The following ROS1 variants were observed in gnomAD, a reference collection of about 807,000 sequenced individuals.
ROS1 encodes ROS proto-oncogene 1, receptor tyrosine kinase, also known as proto-oncogene tyrosine-protein kinase ROS.
Under a neutral mutation model 273.5 loss-of-function variants are expected in ROS1, and 263 were observed. The ratio of observed to expected loss-of-function variants is 0.96; its 90% confidence interval spans 0.87 to 1.06. ROS1 has a LOEUF of 1.06. ROS1 is among the 50% of genes least tolerant of loss of function. The probability of loss-of-function intolerance (pLI) is 0.00; values close to 1 mark genes in which losing one functional copy is unlikely to be tolerated. For missense variants in ROS1, 2,833 were observed against 2,751.1 expected (o/e 1.03, Z -0.67); for synonymous variants, 1,008 against 954.1 (o/e 1.06, Z -1.04).
intron 1 of ROS1, among the ~76,000 whole-genome samples, chr6:117,423,085 T>A (rs1775878629): frequency 6.6e-6 from 1 of 152,112 alleles, no homozygotes; most frequent in African/African-American, 2.4e-5. Context: ...TCGTATGTTC[T>A]CACTGATAAG....
intron 1 of ROS1, among the ~76,000 whole-genome samples, chr6:117,422,069 G>C (rs1775798037): frequency 6.6e-6 from 1 of 152,110 alleles, no homozygotes; most frequent in Non-Finnish European, 1.5e-5. Context: ...GGAGCACAGT[G>C]GTGTAATCAC....
chr6:117,326,447 T>C, intron 33 of ROS1, 33 bp from the exon 34 acceptor site: 6 of 1,272,102 alleles, frequency 4.7e-6, no homozygotes, highest in Non-Finnish European at 6.5e-6. Context: ...AAAATATACA[T>C]GACAATATAC....
chr6:117,367,408 A>G (rs930810437), intron 18 of ROS1, among the ~76,000 whole-genome samples: 3 of 152,242 alleles, frequency 2.0e-5, no homozygotes, highest in Non-Finnish European at 2.9e-5. Flanking sequence ...GGCACACAGA[A>G]TAACTCTGTT....
chr6:117,310,118 A>G lies in ROS1; in HGVS notation c.6379T>C (p.Leu2127=), dbSNP rs765386753. 3 of 1,613,460 alleles carry G rather than the reference A, an allele frequency of 1.9e-6. No homozygotes were observed. Among genetic ancestry groups the G allele is most frequent in the Non-Finnish European group, 8.5e-7 (1 of 1,179,610 alleles). ...TGAGTAGTGAAGATTCCATCCATCA[A>G]ACTTTCTGGAGCCATCCACCGAACT... is the stretch of plus-strand genomic sequence containing the variant. ...LPVRWMAPES[L]MDGIFTTQSD... Residue 2127 remains leucine, a synonymous_variant, in exon 41 of 44, where the codon TTG becomes CTG. Coordinates refer to ENST00000368507, the MANE Select transcript of ROS1 (RefSeq NM_001378902.1).
intron 12 of ROS1, among the ~76,000 whole-genome samples, chr6:117,391,844 A>G (rs960116359): frequency 6.6e-6 from 1 of 152,212 alleles, no homozygotes; most frequent in Admixed American, 6.5e-5. Context: ...CTATAAAACT[A>G]GAATAATAAA....
intron 24 of ROS1, 132 bp from the exon 25 acceptor site, chr6:117,358,141 G>A (rs566598871): frequency 2.8e-4 from 175 of 616,476 alleles, no homozygotes; most frequent in African/African-American, 2.8e-3. Flanking sequence ...CAATCTGGAC[G>A]GTATACCATT....
At chr6:117,387,637 T>C in intron 14 of ROS1, 143 bp downstream of exon 14, 1 of 728,994 alleles carries the variant, frequency 1.4e-6, no homozygotes, top group South Asian at 1.9e-5. Context: ...ATGTACTCAA[T>C]ATGTGTTTAC....
At chr6:117,396,148 CT>C in intron 9 of ROS1, 39 bp downstream of exon 9, 1 of 1,543,898 alleles carries the variant, frequency 6.5e-7, no homozygotes. Context: ...CCTTGCCACC[CT>C]CATTCCTGTG....
rs1193883550 is a variant in ROS1, at chr6:117,324,999, G to C, written c.5540-584C>G. 2.0e-5 allele frequency among the ~76,000 whole-genome samples: 3 copies of C among 151,970 alleles called. 1 individual carries two copies. The highest frequency in any genetic ancestry group is 2.0e-4 in the Admixed American group (3 of 15,242). ...TTAAAAAGAAGGAGAAGGAAAAAGA[G>C]AACAGAAAAAGAAGAAAAGAAGAAC... On this transcript the variant is annotated intron_variant, in intron 34 of 43. Transcript: ENST00000368507.
chr6:117,425,759 G>A lies in ROS1; in HGVS notation c.-103C>T. 7.7e-6 allele frequency: 10 copies of A among 1,294,850 alleles called. No individual in the cohort carries two copies. Among genetic ancestry groups the A allele is most frequent in the Non-Finnish European group, 8.7e-6 (8 of 921,846 alleles). 80.2% of individuals were successfully genotyped at this position (1,294,850 alleles called of 1,614,324 possible). A position where few individuals can be genotyped will look rare whatever the true frequency, so the allele number is the denominator to read the frequency against. On this transcript the variant is annotated 5_prime_UTR_variant, in exon 1 of 44. Coordinates refer to ENST00000368507, the MANE Select transcript of ROS1 (RefSeq NM_001378902.1). ...ACTTCAATTGGAGGAGTAGCTGATG[G>A]ATTTTGCTTTGTTTGTTTTGCTATA...
In ROS1 at chr6:117,353,153, A is replaced by G; in HGVS notation, c.4140T>C (p.Val1380=). The G allele has an allele frequency of 3.7e-6, 6 of 1,607,048 alleles. No individual in the cohort carries two copies. Among genetic ancestry groups the G allele is most frequent in the Non-Finnish European group, 5.1e-6 (6 of 1,176,474 alleles). Residue 1380 remains valine, a synonymous_variant, in exon 27 of 44, where the codon GTT becomes GTC. Coordinates refer to ENST00000368507, the MANE Select transcript of ROS1 (RefSeq NM_001378902.1). ...TAAGATCTCCATCCACAGTTAAGCT[A>G]ACAAGGGTTTTTCCTGCTGTTAAAA... ...TVPAMLGKTL[V]SLTVDGDLIY...
chr6:117,342,715 G>A (rs1172669428), intron 28 of ROS1, among the ~76,000 whole-genome samples, 171 bp from the exon 29 acceptor site: 1 of 152,082 alleles, frequency 6.6e-6, no homozygotes, highest in African/African-American at 2.4e-5. Context: ...GACCTGAGTT[G>A]TTCAATGTTT....
At chr6:117,371,749 C>A (rs1780796959) in intron 18 of ROS1, among the ~76,000 whole-genome samples, 1 of 152,160 alleles carries the variant, frequency 6.6e-6, no homozygotes, top group Non-Finnish European at 1.5e-5. Flanking sequence ...GTGAGACTGG[C>A]CTTTCAGGCT....
At chr6:117,421,588 CA>C (rs1301562939) in intron 1 of ROS1, among the ~76,000 whole-genome samples, 1 of 152,134 alleles carries the variant, frequency 6.6e-6, no homozygotes, top group Admixed American at 6.6e-5. Flanking sequence ...GCTGCAAAGA[CA>C]TTATTTCATT....
rs200985702 is a variant in ROS1 at position 117,394,685 on chromosome 6, T to G, written c.937A>C (p.Arg313=). 1.2e-5 allele frequency: 20 copies of G among 1,612,180 alleles called. No individual in the cohort carries two copies. Among genetic ancestry groups the G allele is most frequent in the Middle Eastern group, 1.7e-4 (1 of 6,046 alleles). The change falls in exon 10 of 44, where the codon AGA becomes CGA. Residue 313 remains arginine, a synonymous_variant. Coordinates refer to ENST00000368507, the MANE Select transcript of ROS1 (RefSeq NM_001378902.1). Reference sequence around the variant, plus strand: ...TCATCTACTAAATGTTTTAAAGATCTCTTTCTTAGAGAAGTTTTTCTGGAT... The same window carrying G: ...TCATCTACTAAATGTTTTAAAGATCGCTTTCTTAGAGAAGTTTTTCTGGAT... ...FLSRKTSLRK[R]SLKHLVDEAH...
chr6:117,402,634 T>C (rs1774036025), intron 7 of ROS1, among the ~76,000 whole-genome samples: 1 of 152,186 alleles, frequency 6.6e-6, no homozygotes, highest in African/African-American at 2.4e-5. Flanking sequence ...ACGCCTATAA[T>C]CCCAGCACTT....
At chr6:117,319,083 T>C (rs1776106088) in intron 37 of ROS1, among the ~76,000 whole-genome samples, 1 of 152,170 alleles carries the variant, frequency 6.6e-6, no homozygotes, top group African/African-American at 2.4e-5. Flanking sequence ...TAGCTCACTC[T>C]CAAAGCAATA....
At position 117,396,250 on chromosome 6, in the gene ROS1, G is replaced by C. The variant is rs746701860; in HGVS notation, c.821C>G (p.Ala274Gly). ...PNTIYRFSIAAVNEVGEGPEA... is the reference protein window; with the variant it reads ...PNTIYRFSIAGVNEVGEGPEA... ...TGGACCCTCACCAACTTCATTTACT[G>C]CTGCAATAGAAAACCTATTCCAAAA... The change falls in exon 9 of 44, where the codon GCA (alanine) becomes GGA (glycine). Residue 274 changes from alanine to glycine, a missense_variant. Physicochemically the swap from Ala to Gly is moderately conservative, Grantham distance 60. Transcript: ENST00000368507. 1.6e-5 allele frequency: 26 copies of C among 1,612,706 alleles called. No individual in the cohort carries two copies. The highest frequency in any genetic ancestry group is 2.2e-5 in the Non-Finnish European group (26 of 1,179,016).
At chr6:117,366,644 G>T (rs936224415) in intron 18 of ROS1, among the ~76,000 whole-genome samples, 1 of 152,038 alleles carries the variant, frequency 6.6e-6, no homozygotes, top group Non-Finnish European at 1.5e-5. Flanking sequence ...CTCCCAAGTA[G>T]CTGGGATTAT....
Sources: allele counts gnomAD v4.1 joint callset (sites outside exome capture counted in the v4.1 genomes callset), GRCh38; gene constraint gnomAD v4.1.1; transcripts MANE v1.5; gene names NCBI Gene and HGNC (gene_info 2026-07-23, HGNC 2026-07-21).